FNBP1: variants seen among roughly 807,000 people sequenced by gnomAD.
The protein encoded by FNBP1 is formin-binding protein 1.
FNBP1 carries 26 observed loss-of-function variants against 90.6 expected under a neutral mutation model. That is an observed-to-expected ratio of 0.29 (90% CI 0.21 to 0.40). The LOEUF is 0.40. FNBP1 is among the 10% of genes least tolerant of loss of function. The pLI is 1.00. For synonymous variants in FNBP1, 260 were observed against 265.2 expected (o/e 0.98, Z 0.19); for missense variants, 635 against 768.0 (o/e 0.83, Z 2.05).
At chr9:130,002,696 C>T (rs1039626157) in intron 1 of FNBP1, among the ~76,000 whole-genome samples, 1 of 152,144 alleles carries the variant, frequency 6.6e-6, no homozygotes, top group Non-Finnish European at 1.5e-5. Flanking sequence ...TACCTAGCCT[C>T]GGACACTCCT....
chr9:129,902,730 G>T, intron 13 of FNBP1, 139 bp downstream of exon 13: 1 of 768,372 alleles, frequency 1.3e-6, no homozygotes, highest in Non-Finnish European at 2.1e-6. Flanking sequence ...TTTTTCCTTT[G>T]ACCATAACTC....
intron 15 of FNBP1, among the ~76,000 whole-genome samples, chr9:129,896,651 G>T (rs1556001): frequency 0.64 from 96,879 of 151,310 alleles, 32,129 homozygotes; most frequent in African/African-American, 0.81. Context: ...CAATTTTTTT[G>T]TTGTTGTTGT....
intron 1 of FNBP1, among the ~76,000 whole-genome samples, chr9:130,026,965 C>CAAAAA (rs765168982): frequency 2.6e-5 from 2 of 76,096 alleles, no homozygotes; most frequent in African/African-American, 9.6e-5. Context: ...GACCCTGTCT[C>CAAAAA]AAAAAAAAAA....
At position 129,929,678 on chromosome 9, in the gene FNBP1, T is replaced by G. The variant is rs1280124317; in HGVS notation, c.531A>C (p.Gln177His). 1 of 1,614,022 alleles carries G rather than the reference T, an allele frequency of 6.2e-7. No individual in the cohort carries two copies. The highest frequency in any genetic ancestry group is 2.2e-5 in the East Asian group (1 of 44,888). The change falls in exon 7 of 17, where the codon CAA becomes CAC. Residue 177 changes from glutamine (Q) to histidine (H), a missense_variant. Coordinates refer to ENST00000446176, the MANE Select transcript of FNBP1 (RefSeq NM_015033.3). ...TGTCCTCTGCCATTTGGTGACGTAT[T>G]TGAGCTTGTTGTCGGGCCTTAGGGC... is the stretch of plus-strand genomic sequence containing the variant. Reference protein sequence around the residue: ...ADVEKARQQAQIRHQMAEDSK... With the variant: ...ADVEKARQQAHIRHQMAEDSK...
intron 1 of FNBP1, among the ~76,000 whole-genome samples, chr9:130,034,312 C>CAAA (rs3055753): frequency 8.4e-6 from 1 of 118,364 alleles, no homozygotes; most frequent in Admixed American, 8.7e-5. Context: ...GACTCCATCT[C>CAAA]AAAAAAAAAA....
At chr9:130,008,888 G>A (rs192632824) in intron 1 of FNBP1, among the ~76,000 whole-genome samples, 175 of 152,198 alleles carry the variant, frequency 1.1e-3, no homozygotes, top group African/African-American at 4.0e-3. Context: ...GTTCAAGACC[G>A]ACCCAGGAAA....
intron 4 of FNBP1, among the ~76,000 whole-genome samples, chr9:129,977,313 A>G (rs1259228579): frequency 6.6e-6 from 1 of 152,130 alleles, no homozygotes; most frequent in African/African-American, 2.4e-5. Context: ...ATAGACTTTG[A>G]GCATCCATTT....
chr9:129,910,364 C>G (rs1396161720), intron 11 of FNBP1, among the ~76,000 whole-genome samples: 1 of 151,858 alleles, frequency 6.6e-6, no homozygotes, highest in Non-Finnish European at 1.5e-5. Context: ...CGCCTATAAT[C>G]CCAGCTACTT....
intron 4 of FNBP1, among the ~76,000 whole-genome samples, chr9:129,970,881 T>TTTTG (rs968978379): frequency 6.6e-6 from 1 of 151,334 alleles, no homozygotes; most frequent in African/African-American, 2.4e-5. Flanking sequence ...TGAATCTGCT[T>TTTTG]TTTGTTTTGT....
At chr9:129,912,527 A>G (rs1361480434) in intron 11 of FNBP1, among the ~76,000 whole-genome samples, 1 of 151,990 alleles carries the variant, frequency 6.6e-6, no homozygotes, top group Admixed American at 6.6e-5. Flanking sequence ...CGTCTCTACT[A>G]AAAATACAAA....
At chr9:130,011,462 G>C (rs1169557758) in intron 1 of FNBP1, among the ~76,000 whole-genome samples, 1 of 151,822 alleles carries the variant, frequency 6.6e-6, no homozygotes, top group Non-Finnish European at 1.5e-5. Context: ...AGTACTAAGA[G>C]CTGGTGCCTA....
intron 11 of FNBP1, among the ~76,000 whole-genome samples, chr9:129,911,003 T>C (rs901035292): frequency 6.6e-6 from 1 of 152,202 alleles, no homozygotes; most frequent in Non-Finnish European, 1.5e-5. Context: ...GTTTTCCGTA[T>C]ACTATGGTGC....
intron 6 of FNBP1, among the ~76,000 whole-genome samples, chr9:129,952,148 C>T (rs1339078791): frequency 6.6e-6 from 1 of 151,952 alleles, no homozygotes; most frequent in African/African-American, 2.4e-5. Flanking sequence ...GCTGAGATTA[C>T]ACCACTGCAC....
chr9:130,018,728 C>A (rs1290815451), intron 1 of FNBP1, among the ~76,000 whole-genome samples: 1 of 152,056 alleles, frequency 6.6e-6, no homozygotes, highest in Non-Finnish European at 1.5e-5. Flanking sequence ...CAGACATGAG[C>A]CACCATGTCC....
chr9:129,914,195 C>T (rs1291783525), intron 11 of FNBP1, among the ~76,000 whole-genome samples: 1 of 147,582 alleles, frequency 6.8e-6, no homozygotes, highest in Non-Finnish European at 1.5e-5. Context: ...TTTTTTCAGA[C>T]ATGGTCTCAC....
chr9:129,912,239 AT>A (rs1231385986), intron 11 of FNBP1, among the ~76,000 whole-genome samples: 1 of 152,156 alleles, frequency 6.6e-6, no homozygotes, highest in African/African-American at 2.4e-5. Context: ...GCCTCCACAT[AT>A]TTGGTCACAG....
intron 1 of FNBP1, among the ~76,000 whole-genome samples, chr9:130,027,100 C>T (rs1416700265): frequency 2.0e-5 from 3 of 151,848 alleles, no homozygotes; most frequent in Non-Finnish European, 4.4e-5. Flanking sequence ...CCATATCTTA[C>T]TAAAGGAAAT....
At chr9:130,034,947 G>C (rs1426094622) in intron 1 of FNBP1, among the ~76,000 whole-genome samples, 1 of 152,108 alleles carries the variant, frequency 6.6e-6, no homozygotes, top group Admixed American at 6.5e-5. Context: ...AGGAGTTCAA[G>C]GCCAGCCTGG....
rs529958220 is a variant in FNBP1, at chr9:129,973,569, C to T, written c.345+4896G>A. Among the ~76,000 whole-genome samples the T allele has an allele frequency of 3.2e-3, 493 of 152,108 alleles. 2 individuals are homozygous for T. Among genetic ancestry groups the T allele is most frequent in the Admixed American group, 7.7e-3 (117 of 15,258 alleles). On this transcript the variant is annotated intron_variant, in intron 4 of 16. Coordinates refer to ENST00000446176, the MANE Select transcript of FNBP1 (RefSeq NM_015033.3). ...AGGCTGGAGTGCAGTGGCGCGATCTCGGCTCACTGCAAGCTCCGCCTCCTG... is the reference window on the plus strand; with the variant it reads ...AGGCTGGAGTGCAGTGGCGCGATCTTGGCTCACTGCAAGCTCCGCCTCCTG...
Sources: allele counts gnomAD v4.1 joint callset (sites outside exome capture counted in the v4.1 genomes callset), GRCh38; gene constraint gnomAD v4.1.1; transcripts MANE v1.5; gene names NCBI Gene and HGNC (gene_info 2026-07-23, HGNC 2026-07-21).